EDC3: variants seen among roughly 807,000 people sequenced by gnomAD.
The protein encoded by EDC3 is enhancer of mRNA-decapping protein 3.
Under a neutral mutation model 41.8 loss-of-function variants are expected in EDC3, and 20 were observed. The ratio of observed to expected loss-of-function variants is 0.48; its 90% CI spans 0.34 to 0.70. EDC3 has a LOEUF of 0.70. Among genes scored for constraint, EDC3 ranks in the 30% least tolerant of loss-of-function variants. The pLI, the probability that EDC3 is intolerant of heterozygous loss-of-function variation, is 0.01. For missense variants in EDC3, 444 were observed against 636.8 expected, an observed-to-expected ratio of 0.70 and a Z score of 3.26; for synonymous variants, 206 against 243.2, an observed-to-expected ratio of 0.85 and a Z score of 1.42.
intron 4 of EDC3, among the ~76,000 whole-genome samples, chr15:74,654,736 G>T (rs556709186): frequency 4.6e-4 from 69 of 150,288 alleles, no homozygotes; most frequent in African/African-American, 1.5e-3. Flanking sequence ...GAAAGCACAT[G>T]CAAGCTACTA....
At position 74,635,462 on chromosome 15, in the gene EDC3, T is replaced by C. The variant is rs1440104285; in HGVS notation, c.1139A>G (p.Asn380Ser). 8.7e-6 allele frequency: 14 copies of C among 1,614,126 alleles called. No individual in the cohort carries two copies. The East Asian group carries it at 1.3e-4, about 15-fold the overall frequency. ...GGTCTTGCTGAAGAGCGACAGCTCA[T>C]TGGTGATAGATTCCAACATCTTGAC... Reference protein sequence around the residue: ...NFVKMLESITNELSLFSKTQG... With the variant: ...NFVKMLESITSELSLFSKTQG... Residue 380 changes from asparagine (N) to serine (S), a missense_variant, in exon 6 of 7, where the codon AAT becomes AGT. Asn to Ser is a conservative substitution (Grantham distance 46). Coordinates refer to ENST00000315127, the MANE Select transcript of EDC3 (RefSeq NM_025083.5).
chr15:74,650,737 C>T (rs1006686702), intron 4 of EDC3, among the ~76,000 whole-genome samples: 1 of 152,186 alleles, frequency 6.6e-6, no homozygotes, highest in African/African-American at 2.4e-5. Context: ...GTGGCTCATG[C>T]CTGTAATCCC....
intron 1 of EDC3, among the ~76,000 whole-genome samples, chr15:74,695,070 A>C (rs1395738474): frequency 6.6e-6 from 1 of 152,156 alleles, no homozygotes; most frequent in Non-Finnish European, 1.5e-5. Context: ...TTGAGACAGC[A>C]GACTGAAATC....
chr15:74,648,713 C>T (rs559821277), intron 4 of EDC3, among the ~76,000 whole-genome samples: 2 of 152,282 alleles, frequency 1.3e-5, no homozygotes, highest in South Asian at 4.1e-4. Context: ...AATCTCAGCG[C>T]ACAGTGTGGA....
chr15:74,694,290 C>T (rs906410764), intron 1 of EDC3, among the ~76,000 whole-genome samples: 1 of 151,988 alleles, frequency 6.6e-6, no homozygotes, highest in Non-Finnish European at 1.5e-5. Flanking sequence ...CCACTGCACT[C>T]GGCCCTAGTC....
intron 4 of EDC3, 42 bp downstream of exon 4, chr15:74,655,691 G>T: frequency 6.5e-7 from 1 of 1,546,840 alleles, no homozygotes; most frequent in East Asian, 2.3e-5. Flanking sequence ...ATAATAGAAA[G>T]GCAACAGCAA....
intron 4 of EDC3, chr15:74,644,158 C>T (rs1351479487): frequency 6.6e-6 from 1 of 152,198 alleles, no homozygotes; most frequent in African/African-American, 2.4e-5. Flanking sequence ...TTATGACCCA[C>T]AAGACCTGCT....
intron 2 of EDC3, among the ~76,000 whole-genome samples, chr15:74,674,532 G>A (rs1054766073): frequency 6.6e-6 from 1 of 152,192 alleles, no homozygotes; most frequent in East Asian, 1.9e-4. Context: ...TAATGGTAGG[G>A]TACGGAGGTT....
intron 1 of EDC3, among the ~76,000 whole-genome samples, chr15:74,693,220 C>A (rs117463594): frequency 6.6e-6 from 1 of 152,320 alleles, no homozygotes; most frequent in Non-Finnish European, 1.5e-5. Context: ...CAGGTCACAT[C>A]GGTTCTTCTC....
intron 4 of EDC3, chr15:74,643,045 AACTCT>A (rs1448342095): frequency 6.6e-6 from 1 of 152,186 alleles, no homozygotes; most frequent in Non-Finnish European, 1.5e-5. Flanking sequence ...TGGGGTCTAG[AACTCT>A]ACTCTGACTG....
chr15:74,694,308 TTTC>T (rs887033460), intron 1 of EDC3, among the ~76,000 whole-genome samples: 1 of 151,682 alleles, frequency 6.6e-6, no homozygotes, highest in Non-Finnish European at 1.5e-5. Flanking sequence ...GTCTAATATT[TTTC>T]TTTTCTTTTC....
intron 1 of EDC3, among the ~76,000 whole-genome samples, chr15:74,690,940 A>G (rs2063000729): frequency 6.6e-6 from 1 of 152,208 alleles, no homozygotes; most frequent in African/African-American, 2.4e-5. Context: ...AGTGTCTGCA[A>G]TCCTAGCACT....
chr15:74,679,838 G>T (rs540165499), intron 1 of EDC3: 1 of 151,258 alleles, frequency 6.6e-6, no homozygotes, highest in Admixed American at 6.6e-5. Flanking sequence ...GAGGCAGGAA[G>T]GGAGCTTGGG....
intron 1 of EDC3, among the ~76,000 whole-genome samples, chr15:74,690,014 G>A (rs918371564): frequency 1.3e-5 from 2 of 152,074 alleles, no homozygotes; most frequent in African/African-American, 4.8e-5. Flanking sequence ...CATCTTCCCT[G>A]TAAAGCCTAT....
intron 1 of EDC3, among the ~76,000 whole-genome samples, chr15:74,686,786 A>G (rs1404040891): frequency 6.6e-6 from 1 of 152,028 alleles, no homozygotes; most frequent in African/African-American, 2.4e-5. Context: ...TCTCAAAATA[A>G]ATACATAAAT....
chr15:74,668,601 T>G (rs1049965206), intron 3 of EDC3, among the ~76,000 whole-genome samples: 4 of 152,038 alleles, frequency 2.6e-5, no homozygotes, highest in African/African-American at 9.7e-5. Flanking sequence ...ACACCTGTAG[T>G]CCCAGCTACT....
chr15:74,634,393 T>G (rs779652489), intron 6 of EDC3, among the ~76,000 whole-genome samples: 1 of 152,192 alleles, frequency 6.6e-6, no homozygotes, highest in Non-Finnish European at 1.5e-5. Context: ...CTGTATCTAC[T>G]CTCTTCCTAT....
Position 74,655,719 on chromosome 15 carries a change from C to T in EDC3, c.820+14G>A. ...AACAGCAACCAGCAGGATGTGGGAC[C>T]TGATGCAACTCACCCGTGCAGAACT... On this transcript the variant is annotated intron_variant, in intron 4 of 6. Transcript: ENST00000315127. The T allele has an allele frequency of 6.3e-7, 1 of 1,589,624 alleles. No homozygotes were observed. The highest frequency in any genetic ancestry group is 1.1e-5 in the South Asian group (1 of 89,368).
intron 3 of EDC3, among the ~76,000 whole-genome samples, chr15:74,667,045 G>A (rs1470668942): frequency 2.0e-5 from 3 of 152,070 alleles, no homozygotes; most frequent in Non-Finnish European, 4.4e-5. Flanking sequence ...TCTCCCACAG[G>A]AATGGCGATA....
Sources: allele counts gnomAD v4.1 joint callset (sites outside exome capture counted in the v4.1 genomes callset), GRCh38; gene constraint gnomAD v4.1.1; transcripts MANE v1.5; gene names NCBI Gene and HGNC (gene_info 2026-07-23, HGNC 2026-07-21).